SEC14L3: variants seen among roughly 807,000 people sequenced by gnomAD.
The protein encoded by SEC14L3 is SEC14-like protein 3.
In SEC14L3, 56 loss-of-function variants were observed where a neutral mutation model predicts 57.4. The ratio of observed to expected loss-of-function variants is 0.97; its 90% CI spans 0.79 to 1.22. The LOEUF is 1.22. Among genes scored for constraint, SEC14L3 ranks in the 50% most tolerant of loss-of-function variants. SEC14L3 has a pLI of 0.00. For missense variants in SEC14L3, 485 were observed against 511.7 expected (o/e 0.95, Z 0.50); for synonymous variants, 173 against 194.4 (o/e 0.89, Z 0.92).
intron 12 of SEC14L3, among the ~76,000 whole-genome samples, chr22:30,452,717 C>CTTTTT (rs71198554): frequency 1.1e-4 from 15 of 131,626 alleles, no homozygotes; most frequent in Admixed American, 2.3e-4. Flanking sequence ...TTCTTTCTTT[C>CTTTTT]TTTTTTTTTT....
intron 12 of SEC14L3, among the ~76,000 whole-genome samples, chr22:30,451,402 G>T (rs948904461): frequency 1.5e-4 from 23 of 152,210 alleles, no homozygotes; most frequent in African/African-American, 5.3e-4. Flanking sequence ...CCGATGACAG[G>T]TGCTCCAACA....
chr22:30,457,824 T>G (rs1373321890), downstream of SEC14L3, among the ~76,000 whole-genome samples: 1 of 151,974 alleles, frequency 6.6e-6, no homozygotes, highest in Non-Finnish European at 1.5e-5. Flanking sequence ...TCTGACAAAT[T>G]GTTATAGAAG....
intron 12 of SEC14L3, among the ~76,000 whole-genome samples, chr22:30,454,052 G>C (rs998547637): frequency 2.0e-5 from 3 of 152,172 alleles, no homozygotes; most frequent in African/African-American, 7.2e-5. Flanking sequence ...GCTTCCCCAG[G>C]CACTCCTGGC....
At chr22:30,460,543 G>C (rs1410736708) in intron 11 of SEC14L3, among the ~76,000 whole-genome samples, 1 of 152,156 alleles carries the variant, frequency 6.6e-6, no homozygotes, top group East Asian at 1.9e-4. Flanking sequence ...ACCCCAAAAA[G>C]CAGGTGTTGG....
chr22:30,451,171 C>G (rs1003440348), intron 12 of SEC14L3, among the ~76,000 whole-genome samples: 1 of 152,240 alleles, frequency 6.6e-6, no homozygotes, highest in Non-Finnish European at 1.5e-5. Context: ...GGGGGTGGCG[C>G]TGCTCTGGGG....
intron 6 of SEC14L3, 52 bp from the exon 7 acceptor site, chr22:30,466,446 C>T: frequency 6.2e-7 from 1 of 1,613,172 alleles, no homozygotes; most frequent in Non-Finnish European, 8.5e-7. Context: ...CTTCTCCTAC[C>T]TCCATCTCCT....
chr22:30,452,250 T>C (rs958087779), intron 12 of SEC14L3, among the ~76,000 whole-genome samples: 260 of 141,684 alleles, frequency 1.8e-3, no homozygotes, highest in Middle Eastern at 3.5e-3. Flanking sequence ...TTCTTTCTTT[T>C]TTTTTTTTTT....
At chr22:30,463,429 G>A (rs1252575554) in intron 8 of SEC14L3, among the ~76,000 whole-genome samples, 1 of 152,208 alleles carries the variant, frequency 6.6e-6, no homozygotes, top group African/African-American at 2.4e-5. Flanking sequence ...ACATACCAGA[G>A]CCAAATGAGC....
intron 5 of SEC14L3, 57 bp from the exon 6 acceptor site, chr22:30,467,134 G>A: frequency 1.9e-6 from 3 of 1,608,190 alleles, no homozygotes; most frequent in Non-Finnish European, 2.5e-6. Context: ...CTTGGGAGAT[G>A]GTAATCCAAG....
At chr22:30,469,946 C>T in intron 4 of SEC14L3, 73 bp downstream of exon 4, 1 of 1,191,420 alleles carries the variant, frequency 8.4e-7, no homozygotes, top group South Asian at 1.5e-5. Flanking sequence ...CTTGCTGCCC[C>T]TCATTCATGG....
intron 8 of SEC14L3, among the ~76,000 whole-genome samples, chr22:30,464,403 A>G (rs1376071078): frequency 1.3e-5 from 2 of 152,166 alleles, no homozygotes; most frequent in Non-Finnish European, 2.9e-5. Context: ...CACTGTTGGG[A>G]AGAAGGAGCC....
At chr22:30,464,993 T>G in intron 7 of SEC14L3, 90 bp from the exon 8 acceptor site, 1 of 1,580,778 alleles carries the variant, frequency 6.3e-7, no homozygotes, top group Non-Finnish European at 8.6e-7. Context: ...TACAGAGGAG[T>G]CATGACTAAC....
In SEC14L3 at chr22:30,461,403, C is replaced by T. The variant is rs1935254459; in HGVS notation, c.988G>A (p.Ala330Thr). ...GGTAGAACATCTGTCATCTCCCCTGCCCGCTGTCGCTCCCCCATCTTGGTC... is the reference window on the plus strand; with the variant it reads ...GGTAGAACATCTGTCATCTCCCCTGTCCGCTGTCGCTCCCCCATCTTGGTC... ...LKTKMGERQRAGEMTDVLPSQ... is the reference protein window; with the variant it reads ...LKTKMGERQRTGEMTDVLPSQ... The change falls in exon 11 of 12, where the codon GCA (alanine) becomes ACA (threonine). Residue 330 changes from alanine (A) to threonine (T), a missense_variant. Coordinates refer to ENST00000215812, the MANE Select transcript of SEC14L3 (RefSeq NM_174975.5). 5 of 1,613,994 alleles carry T rather than the reference C, an allele frequency of 3.1e-6. No homozygotes were observed. Among genetic ancestry groups the T allele is most frequent in the African/African-American group, 1.3e-5 (1 of 74,914 alleles).
At chr22:30,456,849 G>T (rs1935128210), downstream of SEC14L3, among the ~76,000 whole-genome samples, 1 of 152,202 alleles carries the variant, frequency 6.6e-6, no homozygotes. Context: ...TGGGAAGCCT[G>T]CCTCTTACTG....
At chr22:30,465,183 C>T (rs941115007) in intron 7 of SEC14L3, among the ~76,000 whole-genome samples, 1 of 152,196 alleles carries the variant, frequency 6.6e-6, no homozygotes, top group African/African-American at 2.4e-5. Flanking sequence ...ATTCAGTCAA[C>T]CAATAAACCA....
Position 30,459,918 on chromosome 22 carries a change from C to A in SEC14L3, c.*103G>T. Reference sequence around the variant, plus strand: ...TCTCTTTCTGTACTCACTAACGTCACAGAGTCAGGAGGACTAACAATCAAT... The same window carrying A: ...TCTCTTTCTGTACTCACTAACGTCAAAGAGTCAGGAGGACTAACAATCAAT... On this transcript the variant is annotated 3_prime_UTR_variant, in exon 12 of 12. Coordinates refer to ENST00000215812, the MANE Select transcript of SEC14L3 (RefSeq NM_174975.5). 1 of 1,505,280 alleles carries A rather than the reference C, an allele frequency of 6.6e-7. No homozygotes were observed. The highest frequency in any genetic ancestry group is 8.9e-7 in the Non-Finnish European group (1 of 1,122,976). The allele number at this position is 1,505,280 out of a possible 1,614,324, so 93.2% of individuals were successfully genotyped here. A position where few individuals can be genotyped will look rare whatever the true frequency, so the allele number is the denominator to read the frequency against.
downstream of SEC14L3, among the ~76,000 whole-genome samples, chr22:30,455,145 T>TATATATTATATTTAATATTTA (rs71198555): frequency 0.49 from 23,638 of 48,276 alleles, 4,221 homozygotes; most frequent in Non-Finnish European, 0.56. Flanking sequence ...TAATATTTAA[T>TATATATTATATTTAATATTTA]ATATATTATA....
In SEC14L3 at chr22:30,460,145, G is replaced by C. The variant is rs1440708783; in HGVS notation, c.1082-3C>G. On this transcript the variant is annotated splice_polypyrimidine_tract_variant and splice_region_variant and intron_variant, in intron 11 of 11. Transcript: ENST00000215812. ...GGTGTTGTCGAAGCGTAGGACATCT[G>C]GGGGACAGATGGAAAGAGGGGCATT... The C allele has an allele frequency of 2.5e-6, 4 of 1,613,328 alleles. No homozygotes were observed. Among genetic ancestry groups the C allele is most frequent in the Non-Finnish European group, 8.5e-7 (1 of 1,179,564 alleles).
downstream of SEC14L3, among the ~76,000 whole-genome samples, chr22:30,456,264 A>G (rs1164754710): frequency 7.3e-6 from 1 of 136,728 alleles, no homozygotes. Flanking sequence ...GCACCACTGC[A>G]TTCCTGCCTG....
Sources: allele counts gnomAD v4.1 joint callset (sites outside exome capture counted in the v4.1 genomes callset), GRCh38; gene constraint gnomAD v4.1.1; transcripts MANE v1.5; gene names NCBI Gene and HGNC (gene_info 2026-07-23, HGNC 2026-07-21).